BTNL9: variants seen among roughly 807,000 people sequenced by gnomAD.
The protein encoded by BTNL9 is butyrophilin-like protein 9.
In BTNL9, 45 loss-of-function variants were observed where a neutral mutation model predicts 45.8. The observed-to-expected ratio is 0.98, with a 90% CI of 0.77 to 1.26. BTNL9 has a LOEUF of 1.26. Among genes scored for constraint, BTNL9 ranks in the 50% most tolerant of loss-of-function variants. BTNL9 has a pLI of 0.00. For synonymous variants in BTNL9, 346 were observed against 330.8 expected (o/e 1.05, Z -0.50); for missense variants, 784 against 729.7 (o/e 1.07, Z -0.86).
At position 181,050,298 on chromosome 5, in the gene BTNL9, T is replaced by G. The variant is rs1761464269; in HGVS notation, c.665T>G (p.Leu222Arg). 3 of 1,613,996 alleles carry G rather than the reference T, an allele frequency of 1.9e-6. No individual in the cohort carries two copies. The highest frequency in any genetic ancestry group is 1.3e-5 in the African/African-American group (1 of 74,932). Reference sequence around the variant, plus strand: ...TCTGTGGTTGTCCGAGCGGGAGCCCTCAGCAATGTGTCCGTCTCCATCCAG... The same window carrying G: ...TCTGTGGTTGTCCGAGCGGGAGCCCGCAGCAATGTGTCCGTCTCCATCCAG... ...ETSVVVRAGA[L>R]SNVSVSIQNL... The change falls in exon 4 of 11, where the codon CTC becomes CGC. Residue 222 changes from leucine to arginine, a missense_variant. Coordinates refer to ENST00000327705, the MANE Select transcript of BTNL9 (RefSeq NM_152547.5). The surrounding 1 kb of genome is among the most constrained non-coding windows in gnomAD (Gnocchi z 4.9).
rs1274843548 is a variant in BTNL9, at chr5:181,059,259, C to T, written c.1005C>T (p.Ala335=). 9.0e-6 allele frequency: 14 copies of T among 1,563,772 alleles called. No individual in the cohort carries two copies. Among genetic ancestry groups the T allele is most frequent in the Non-Finnish European group, 1.0e-5 (12 of 1,164,230 alleles). The part of the protein sequence containing the change: ...KYAVDVTLDP[A]SAHPSLEVSE... ...CAGTGGATGTGACGCTGGACCCGGC[C>T]TCGGCGCACCCCAGCCTGGAGGTGT... Residue 335 remains alanine (A), a synonymous_variant, in exon 11 of 11, where the codon GCC becomes GCT. Coordinates refer to ENST00000327705, the MANE Select transcript of BTNL9 (RefSeq NM_152547.5).
In BTNL9 at chr5:181,050,434, G is replaced by T; in HGVS notation, c.736+65G>T. 1 of 1,560,442 alleles carries T rather than the reference G, an allele frequency of 6.4e-7. No individual in the cohort carries two copies. Among genetic ancestry groups the T allele is most frequent in the Non-Finnish European group, 8.7e-7 (1 of 1,144,588 alleles). ...ATGTGTACATACACATTGGCCCAAAGGCAGTCTATAAAGACACAATGGTAC... is the reference window on the plus strand; with the variant it reads ...ATGTGTACATACACATTGGCCCAAATGCAGTCTATAAAGACACAATGGTAC... On this transcript the variant is annotated intron_variant, in intron 4 of 10. Coordinates refer to ENST00000327705, the MANE Select transcript of BTNL9 (RefSeq NM_152547.5). This position sits in a 1 kb window ranked among gnomAD's most constrained non-coding sequence, Gnocchi z 4.9.
In BTNL9 at chr5:181,055,331, G is replaced by T; in HGVS notation, c.908-102G>T. On this transcript the variant is annotated intron_variant, in intron 7 of 10. Transcript: ENST00000327705. The surrounding 1 kb of genome is among the most constrained non-coding windows in gnomAD (Gnocchi z 4.4). ...AAAAAAAAAAATGAAGCTGTGATTA[G>T]CAGTGGCTTAAGACTAAGGAAGCTC... The T allele has an allele frequency of 6.3e-7, 1 of 1,589,800 alleles. No individual in the cohort carries two copies.
At chr5:181,045,433 C>A in intron 1 of BTNL9, 34 bp from the exon 2 acceptor site, 1 of 1,141,900 alleles carries the variant, frequency 8.8e-7, no homozygotes, top group Non-Finnish European at 1.3e-6. Context: ...CCTACCTTTG[C>A]ACGTCGCTCC....
intron 2 of BTNL9, among the ~76,000 whole-genome samples, chr5:181,046,816 G>A (rs994882765): frequency 1.3e-5 from 2 of 152,158 alleles, no homozygotes; most frequent in South Asian, 2.1e-4. Context: ...GAATATAGTT[G>A]GAGCAGAGGC....
chr5:181,058,876 G>A (rs1373150925), intron 10 of BTNL9, among the ~76,000 whole-genome samples: 3 of 151,288 alleles, frequency 2.0e-5, no homozygotes, highest in Non-Finnish European at 4.4e-5. Flanking sequence ...TCCTGATTAT[G>A]CCAAGGTCAC....
Position 181,055,740 on chromosome 5 carries a change from G to A in BTNL9, c.929-249G>A, listed in dbSNP as rs1195787228. On this transcript the variant is annotated intron_variant, in intron 8 of 10. Coordinates refer to ENST00000327705, the MANE Select transcript of BTNL9 (RefSeq NM_152547.5). This position sits in a 1 kb window ranked among gnomAD's most constrained non-coding sequence, Gnocchi z 4.4. ...GCCGAGATGGCGCCACTGCACTCCAGCCTGGGCGACAGAGCGAGACTCTGT... is the reference window on the plus strand; with the variant it reads ...GCCGAGATGGCGCCACTGCACTCCAACCTGGGCGACAGAGCGAGACTCTGT... 1 of 704,200 alleles carries A rather than the reference G, an allele frequency of 1.4e-6. No individual in the cohort carries two copies. Among genetic ancestry groups the A allele is most frequent in the Non-Finnish European group, 2.6e-6 (1 of 388,902 alleles). 43.6% of individuals were successfully genotyped at this position (704,200 alleles called of 1,614,324 possible).
Position 181,059,720 on chromosome 5 carries a change from G to T in BTNL9, c.1466G>T (p.Arg489Met). The change falls in exon 11 of 11, where the codon AGG becomes ATG. Residue 489 changes from arginine (R) to methionine (M), a missense_variant. Arg to Met is a moderately conservative substitution (Grantham distance 91, BLOSUM62 -1). Transcript: ENST00000327705. ...GCGCTCTGTGCGTACTTCAGGCCCA[G>T]GGCCCACGACGGCGGCGAACATCCG... is the stretch of plus-strand genomic sequence containing the variant. ...SGALCAYFRPRAHDGGEHPDP... is the reference protein window; with the variant it reads ...SGALCAYFRPMAHDGGEHPDP... 6.2e-7 allele frequency: 1 copy of T among 1,613,454 alleles called. No individual in the cohort carries two copies. The highest frequency in any genetic ancestry group is 8.5e-7 in the Non-Finnish European group (1 of 1,179,964).
chr5:181,050,006 C>A lies in BTNL9; in HGVS notation c.455-82C>A. ...ACTTCATGATGCTTTATGGTGACTG[C>A]AAATGCTGAACAGTGGCAGGAATGT... On this transcript the variant is annotated intron_variant, in intron 3 of 10. Coordinates refer to ENST00000327705, the MANE Select transcript of BTNL9 (RefSeq NM_152547.5). The surrounding 1 kb of genome is among the most constrained non-coding windows in gnomAD (Gnocchi z 4.9). 6.6e-7 allele frequency: 1 copy of A among 1,507,856 alleles called. No individual in the cohort carries two copies. The highest frequency in any genetic ancestry group is 9.0e-7 in the Non-Finnish European group (1 of 1,113,056). The allele number at this position is 1,507,856 out of a possible 1,614,324, so 93.4% of individuals were successfully genotyped here.
chr5:181,048,795 TATATATTATATAATTATATTAGTTATATA>T lies in BTNL9; in HGVS notation c.454+529_454+557del, dbSNP rs1761350997. Among the ~76,000 whole-genome samples the T allele has an allele frequency of 1.2e-3, 3 of 2,414 alleles. 1 individual carries two copies. Among genetic ancestry groups the T allele is most frequent in the Non-Finnish European group, 5.0e-3 (3 of 596 alleles). 1.6% of individuals were successfully genotyped at this position (2,414 alleles called of 152,430 possible). ...GTATGCTATATATTAATTATATAGT[TATATATTATATAATTATATTAGTTATATA>T]ATATTATATAATTATATTAGTTATA... is the stretch of plus-strand genomic sequence containing the variant. On this transcript the variant is annotated intron_variant, in intron 3 of 10. Transcript: ENST00000327705.
chr5:181,055,893 G>A lies in BTNL9; in HGVS notation c.929-96G>A. The A allele has an allele frequency of 7.0e-7, 1 of 1,436,348 alleles. No homozygotes were observed. The highest frequency in any genetic ancestry group is 1.7e-5 in the Admixed American group (1 of 59,794). The allele number at this position is 1,436,348 out of a possible 1,614,324, so 89.0% of individuals were successfully genotyped here. A position where few individuals can be genotyped will look rare whatever the true frequency, so the allele number is the denominator to read the frequency against. On this transcript the variant is annotated intron_variant, in intron 8 of 10. Coordinates refer to ENST00000327705, the MANE Select transcript of BTNL9 (RefSeq NM_152547.5). This position sits in a 1 kb window ranked among gnomAD's most constrained non-coding sequence, Gnocchi z 4.4. ...CCCCTGCTGGCTATGTGGGTGGTGG[G>A]GGGTGCGGGACAGGGTGGGTGCAAG...
In BTNL9 at chr5:181,059,321, C is replaced by A. The variant is rs1238117415; in HGVS notation, c.1067C>A (p.Pro356Gln). ...AAGAGCGTGTCTTCCCGCGGGGCGC[C>A]GCCAGGCCCGGCGCCTGGCCACCCG... ...DGKSVSSRGA[P>Q]PGPAPGHPQR... is the part of the protein sequence containing the mutation. The change falls in exon 11 of 11, where the codon CCG (proline) becomes CAG (glutamine). Residue 356 changes from proline to glutamine, a missense_variant. Physicochemically the swap from Pro to Gln is moderately conservative, Grantham distance 76 (BLOSUM62 -1). Coordinates refer to ENST00000327705, the MANE Select transcript of BTNL9 (RefSeq NM_152547.5). 1 of 1,553,538 alleles carries A rather than the reference C, an allele frequency of 6.4e-7. No homozygotes were observed. The highest frequency in any genetic ancestry group is 2.4e-5 in the East Asian group (1 of 42,234).
chr5:181,054,629 C>T lies in BTNL9; in HGVS notation c.907+370C>T, dbSNP rs59863113. On this transcript the variant is annotated intron_variant, in intron 7 of 10. Coordinates refer to ENST00000327705, the MANE Select transcript of BTNL9 (RefSeq NM_152547.5). ...CCAAAATGGAAATAATTTCTCAGAT[C>T]CACTTTTCTCCCCAGAGGGACTCAG... The T allele has an allele frequency of 6.1e-3, 6,053 of 985,380 alleles. 82 individuals carry two copies. Among genetic ancestry groups the T allele is most frequent in the African/African-American group, 0.048 (2,761 of 57,316 alleles). The allele number at this position is 985,380 out of a possible 1,614,324, so 61.0% of individuals were successfully genotyped here.
intron 1 of BTNL9, among the ~76,000 whole-genome samples, chr5:181,043,983 C>T (rs1760944286): frequency 6.6e-6 from 1 of 152,216 alleles, no homozygotes; most frequent in Non-Finnish European, 1.5e-5. Flanking sequence ...TTCGGGGGGA[C>T]CCCACCTCCT....
In BTNL9 at chr5:181,042,091, G is replaced by A. The variant is rs192838516; in HGVS notation, c.-24+1659G>A. Among the ~76,000 whole-genome samples, 857 of 152,306 alleles carry A rather than the reference G, an allele frequency of 5.6e-3. 4 individuals are homozygous for A. The highest frequency in any genetic ancestry group is 9.0e-3 in the Non-Finnish European group (609 of 68,020). On this transcript the variant is annotated intron_variant, in intron 1 of 10. Transcript: ENST00000327705. The surrounding 1 kb of genome is among the most constrained non-coding windows in gnomAD (Gnocchi z 4.5). ...AGAACAGGAGTGGGGCGGGCTGGGG[G>A]CAATGAGAGAGCAAGAAGAAAAGAA...
chr5:181,059,442 G>A lies in BTNL9; in HGVS notation c.1188G>A (p.Trp396Ter). ...TGCACGTGGGCCGCCGCAGCCGCTG[G>A]TTCCTGGGCGCCTGCCTGGCCGCGG... is the stretch of plus-strand genomic sequence containing the variant. ...WEVHVGRRSR[W>*]FLGACLAAVP... Residue 396 changes from tryptophan to a stop codon, truncating the protein, a stop_gained, in exon 11 of 11, where the codon TGG becomes TGA. Coordinates refer to ENST00000327705, the MANE Select transcript of BTNL9 (RefSeq NM_152547.5). LOFTEE classifies it low-confidence loss of function (END_TRUNC). 1 of 1,467,954 alleles carries A rather than the reference G, an allele frequency of 6.8e-7. No individual in the cohort carries two copies. 90.9% of individuals were successfully genotyped at this position (1,467,954 alleles called of 1,614,324 possible).
In BTNL9 at chr5:181,053,988, T is replaced by C; in HGVS notation, c.887-251T>C. The C allele has an allele frequency of 6.5e-7, 1 of 1,534,496 alleles. No homozygotes were observed. The stretch of plus-strand genomic sequence containing the variant: ...TAATAGATTTGGGAGGCTCCGACCC[T>C]GATTTTCACACTAGCAGGAGGGAGG... On this transcript the variant is annotated intron_variant, in intron 6 of 10. Transcript: ENST00000327705. This position sits in a 1 kb window ranked among gnomAD's most constrained non-coding sequence, Gnocchi z 6.5.
In BTNL9 at chr5:181,059,336, C is replaced by T; in HGVS notation, c.1082C>T (p.Pro361Leu). 1.9e-6 allele frequency: 3 copies of T among 1,547,892 alleles called. No homozygotes were observed. Among genetic ancestry groups the T allele is most frequent in the Non-Finnish European group, 2.6e-6 (3 of 1,150,208 alleles). ...SSRGAPPGPA[P>L]GHPQRFSEQT... ...CGCGGGGCGCCGCCAGGCCCGGCGC[C>T]TGGCCACCCGCAGCGGTTCTCGGAG... Residue 361 changes from proline (P) to leucine (L), a missense_variant, in exon 11 of 11, where the codon CCT becomes CTT. Coordinates refer to ENST00000327705, the MANE Select transcript of BTNL9 (RefSeq NM_152547.5).
intron 4 of BTNL9, among the ~76,000 whole-genome samples, chr5:181,052,011 G>A (rs1262355414): frequency 1.3e-5 from 2 of 152,168 alleles, no homozygotes; most frequent in Admixed American, 6.5e-5. Context: ...GAACAGCGAG[G>A]AGGCCAGAGG....
Sources: gnomAD v4.1 joint callset for allele counts (sites outside exome capture counted in the v4.1 genomes callset) on GRCh38, gnomAD v4.1.1 for gene constraint, Gnocchi (gnomAD v3.1) non-coding constraint, MANE v1.5 for transcripts, NCBI Gene and HGNC (gene_info 2026-07-23, HGNC 2026-07-21) for gene names.